The following LHCGR variants were observed in gnomAD, a reference collection of about 807,000 sequenced individuals.
LHCGR encodes the protein luteinizing hormone/choriogonadotropin receptor.
LHCGR carries 55 observed loss-of-function variants against 60.7 expected under a neutral mutation model. The observed-to-expected ratio is 0.91, with a 90% CI of 0.73 to 1.13. The LOEUF (loss-of-function observed/expected upper bound fraction) is 1.13, where lower values mean the gene tolerates loss of function less well. Among genes scored for constraint, LHCGR ranks in the 50% most tolerant of loss-of-function variants. LHCGR has a pLI of 0.00. For synonymous variants in LHCGR, 337 were observed against 316.5 expected (o/e 1.06, Z -0.69); for missense variants, 862 against 836.0 (o/e 1.03, Z -0.38).
At chr2:48,751,550 A>G (rs150760148) in intron 1 of LHCGR, among the ~76,000 whole-genome samples, 1 of 152,094 alleles carries the variant, frequency 6.6e-6, no homozygotes, top group Non-Finnish European at 1.5e-5. Flanking sequence ...CTTTCTCTCT[A>G]CACCTATACC....
chr2:48,711,796 G>A (rs921857661), intron 7 of LHCGR, among the ~76,000 whole-genome samples: 1 of 152,122 alleles, frequency 6.6e-6, no homozygotes, highest in South Asian at 2.1e-4. Context: ...CCTCTATTCA[G>A]ATGATCCTGG....
At chr2:48,734,288 A>G (rs978051114) in intron 1 of LHCGR, among the ~76,000 whole-genome samples, 2 of 152,220 alleles carry the variant, frequency 1.3e-5, no homozygotes, top group African/African-American at 2.4e-5. Context: ...CAGAATTAAA[A>G]TATATGTAAA....
intron 6 of LHCGR, among the ~76,000 whole-genome samples, chr2:48,718,941 C>G (rs1668379092): frequency 6.6e-6 from 1 of 152,288 alleles, no homozygotes; most frequent in South Asian, 2.1e-4. Flanking sequence ...ATGTTTCCTT[C>G]TACCTCAGCC....
intron 7 of LHCGR, among the ~76,000 whole-genome samples, chr2:48,711,129 T>C (rs1268746605): frequency 6.6e-6 from 1 of 152,210 alleles, no homozygotes. Flanking sequence ...CTTCCCTCAC[T>C]GTTGACACAG....
intron 10 of LHCGR, among the ~76,000 whole-genome samples, chr2:48,691,156 C>T (rs1355344156): frequency 6.6e-6 from 1 of 152,064 alleles, no homozygotes; most frequent in Non-Finnish European, 1.5e-5. Flanking sequence ...ACATGAGGAG[C>T]CTTATGGTTC....
chr2:48,747,964 G>T (rs1280936991), intron 1 of LHCGR, among the ~76,000 whole-genome samples: 1 of 152,144 alleles, frequency 6.6e-6, no homozygotes, highest in African/African-American at 2.4e-5. Flanking sequence ...GTCTCTCTAA[G>T]CTGGCCAGAA....
At position 48,688,890 on chromosome 2, in the gene LHCGR, T is replaced by C; in HGVS notation, c.948-41A>G. On this transcript the variant is annotated intron_variant, in intron 10 of 10. Transcript: ENST00000294954. The surrounding 1 kb of genome is among the most constrained non-coding windows in gnomAD (Gnocchi z 5.2). ...TTGGCTTGAGGTAAGGGATTTTCTCTGAGTATTAAAAAATTCAAGAATTAT... is the reference window on the plus strand; with the variant it reads ...TTGGCTTGAGGTAAGGGATTTTCTCCGAGTATTAAAAAATTCAAGAATTAT... 1 of 1,577,582 alleles carries C rather than the reference T, an allele frequency of 6.3e-7. No homozygotes were observed. The highest frequency in any genetic ancestry group is 8.7e-7 in the Non-Finnish European group (1 of 1,148,308).
Position 48,688,234 on chromosome 2 carries a change from G to A in LHCGR, c.1563C>T (p.Thr521=), listed in dbSNP as rs1200264927. Residue 521 remains threonine (T), a synonymous_variant, in exon 11 of 11, where the codon ACC becomes ACT. Transcript: ENST00000294954. This position sits in a 1 kb window ranked among gnomAD's most constrained non-coding sequence, Gnocchi z 5.2. ...TTAATATATAGACTTGTGAGAGAGT[G>A]GTTTCCACATCCATGGGGAAGCAAA... ...VSICFPMDVE[T]TLSQVYILTI... is the part of the protein sequence containing the mutation. The A allele has an allele frequency of 1.2e-6, 2 of 1,614,082 alleles. No homozygotes were observed. Among genetic ancestry groups the A allele is most frequent in the Non-Finnish European group, 8.5e-7 (1 of 1,180,006 alleles).
intron 8 of LHCGR, among the ~76,000 whole-genome samples, chr2:48,701,226 A>G (rs576770831): frequency 1.3e-5 from 2 of 152,292 alleles, no homozygotes; most frequent in Admixed American, 1.3e-4. Context: ...CGGGATCTAC[A>G]GTACGAAGAA....
intron 6 of LHCGR, among the ~76,000 whole-genome samples, chr2:48,723,169 A>G (rs1008597252): frequency 3.9e-5 from 6 of 152,242 alleles, no homozygotes; most frequent in Non-Finnish European, 7.3e-5. Flanking sequence ...TCCCAGCCTT[A>G]GAGCATTCTC....
At chr2:48,731,143 T>C in intron 2 of LHCGR, 84 bp downstream of exon 2, 1 of 892,070 alleles carries the variant, frequency 1.1e-6, no homozygotes, top group Non-Finnish European at 1.9e-6. Flanking sequence ...CTAGAAAAAT[T>C]ATCCCCTTTC....
In LHCGR at chr2:48,731,241, A is replaced by G. The variant is rs1321725229; in HGVS notation, c.219T>C (p.Asn73=). 5.0e-6 allele frequency: 8 copies of G among 1,609,100 alleles called. No homozygotes were observed. The East Asian group carries it at 1.1e-4, about 22-fold the overall frequency. Residue 73 remains asparagine (N), a synonymous_variant, in exon 2 of 11, where the codon AAT becomes AAC. Coordinates refer to ENST00000294954, the MANE Select transcript of LHCGR (RefSeq NM_000233.4). ...VIPSQAFRGL[N]EVIKIEISQI... The stretch of plus-strand genomic sequence containing the variant: ...AACTTACTTACATTTTTATGACCTC[A>G]TTAAGTCCTCTGAAAGCTTGAGATG...
intron 1 of LHCGR, among the ~76,000 whole-genome samples, chr2:48,743,532 G>T (rs1207866853): frequency 6.6e-6 from 1 of 152,294 alleles, no homozygotes; most frequent in East Asian, 1.9e-4. Context: ...TGCAAGGCTG[G>T]TTCAACACAT....
intron 8 of LHCGR, among the ~76,000 whole-genome samples, chr2:48,706,199 T>C (rs1200194520): frequency 6.6e-6 from 1 of 152,244 alleles, no homozygotes; most frequent in Admixed American, 6.5e-5. Context: ...AATTCTTTTC[T>C]TTAAGAATGT....
At chr2:48,719,992 C>G (rs928039443) in intron 6 of LHCGR, 2 of 152,156 alleles carry the variant, frequency 1.3e-5, no homozygotes, top group Non-Finnish European at 1.5e-5. Context: ...TAATCACTCC[C>G]CTTCCAGATG....
chr2:48,735,743 G>A lies in LHCGR; in HGVS notation c.162-4445C>T, dbSNP rs148565985. On this transcript the variant is annotated intron_variant, in intron 1 of 10. Coordinates refer to ENST00000294954, the MANE Select transcript of LHCGR (RefSeq NM_000233.4). ...TCTTTAGTACTGACGCACCAATTTC[G>A]CCAACTGCTAGGAAAGAGTGGGTGG... Among the ~76,000 whole-genome samples, 788 of 152,270 alleles carry A rather than the reference G, an allele frequency of 5.2e-3. 5 individuals carry two copies. Among genetic ancestry groups the A allele is most frequent in the Admixed American group, 0.02 (302 of 15,296 alleles).
At chr2:48,754,427 T>C (rs897821029) in intron 1 of LHCGR, among the ~76,000 whole-genome samples, 1 of 152,162 alleles carries the variant, frequency 6.6e-6, no homozygotes, top group African/African-American at 2.4e-5. Context: ...GCCTTTTAGA[T>C]ACTCTTGTCT....
At chr2:48,691,691 CA>C (rs1183065002) in intron 10 of LHCGR, among the ~76,000 whole-genome samples, 1 of 151,902 alleles carries the variant, frequency 6.6e-6, no homozygotes, top group Non-Finnish European at 1.5e-5. Context: ...ACTAAAAATA[CA>C]AAAATTAGCC....
intron 10 of LHCGR, among the ~76,000 whole-genome samples, chr2:48,693,872 G>A (rs187501527): frequency 2.0e-4 from 30 of 152,290 alleles, no homozygotes; most frequent in Admixed American, 1.3e-3. Flanking sequence ...AATCTTTGTG[G>A]AATGTTGACC....
Sources: allele counts gnomAD v4.1 joint callset (sites outside exome capture counted in the v4.1 genomes callset), GRCh38; gene constraint gnomAD v4.1.1; non-coding constraint Gnocchi (gnomAD v3.1); transcripts MANE v1.5; gene names NCBI Gene and HGNC (gene_info 2026-07-23, HGNC 2026-07-21).